The following OXR1 variants were observed in gnomAD, a reference collection of about 807,000 sequenced individuals.
OXR1 encodes oxidation resistance 1.
A neutral mutation model predicts 104.6 loss-of-function variants in OXR1; 41 were observed. That is an observed-to-expected ratio of 0.39 (90% confidence interval 0.31 to 0.51). The LOEUF (loss-of-function observed/expected upper bound fraction) is 0.51, where lower values mean the gene tolerates loss of function less well. Among genes scored for constraint, OXR1 ranks in the 20% least tolerant of loss-of-function variants. The pLI is 0.77. For synonymous variants in OXR1, 348 were observed against 348.4 expected, an observed-to-expected ratio of 1.00 and a Z score of 0.01; for missense variants, 955 against 1,031.9, an observed-to-expected ratio of 0.93 and a Z score of 1.02.
chr8:106,583,572 AC>A (rs1278810554), intron 3 of OXR1, among the ~76,000 whole-genome samples: 1 of 152,166 alleles, frequency 6.6e-6, no homozygotes, highest in East Asian at 1.9e-4. Flanking sequence ...TTCTAAGAAG[AC>A]ATATGCCAAA....
chr8:106,730,584 A>G (rs993950117), intron 11 of OXR1, among the ~76,000 whole-genome samples: 3 of 152,160 alleles, frequency 2.0e-5, no homozygotes, highest in African/African-American at 7.2e-5. Flanking sequence ...TTGCTGAATA[A>G]TATTCTATTT....
At chr8:106,439,739 A>G (rs1819711560) in intron 2 of OXR1, among the ~76,000 whole-genome samples, 1 of 152,056 alleles carries the variant, frequency 6.6e-6, no homozygotes, top group African/African-American at 2.4e-5. Context: ...TTGTTTTCTT[A>G]CTACTGAATC....
intron 1 of OXR1, among the ~76,000 whole-genome samples, chr8:106,305,470 C>T (rs1371709961): frequency 2.0e-5 from 3 of 152,094 alleles, no homozygotes; most frequent in African/African-American, 7.2e-5. Flanking sequence ...TTAAATAATT[C>T]TTTTCATGAC....
At chr8:106,700,924 C>T (rs1830531807) in intron 7 of OXR1, among the ~76,000 whole-genome samples, 1 of 151,644 alleles carries the variant, frequency 6.6e-6, no homozygotes, top group Non-Finnish European at 1.5e-5. Context: ...AATAAGTTTA[C>T]AGAAGATGGG....
intron 3 of OXR1, among the ~76,000 whole-genome samples, chr8:106,671,223 C>T (rs1220538087): frequency 2.0e-5 from 3 of 149,976 alleles, no homozygotes; most frequent in Admixed American, 6.6e-5. Context: ...ATTGATTTCT[C>T]AACAGACACA....
chr8:106,474,046 C>T (rs923121002), intron 2 of OXR1, among the ~76,000 whole-genome samples: 9 of 139,734 alleles, frequency 6.4e-5, no homozygotes, highest in Non-Finnish European at 1.1e-4. Flanking sequence ...CACACACACA[C>T]ACACACACAG....
rs372259591 is a variant in OXR1, at chr8:106,473,557, G to T, written c.24-45386G>T. On this transcript the variant is annotated intron_variant, in intron 2 of 16. Transcript: ENST00000517566. ...AATAAACTCCTAAAGTAACCATAAA[G>T]GCTTTATTTTTACACAAAGCGTATG... Among the ~76,000 whole-genome samples, 65 of 151,754 alleles carry T rather than the reference G, an allele frequency of 4.3e-4. No homozygotes were observed. In the South Asian group the frequency reaches 6.3e-3, roughly 15 times the overall value.
At chr8:106,315,515 A>G (rs1408307405) in intron 1 of OXR1, among the ~76,000 whole-genome samples, 1 of 152,216 alleles carries the variant, frequency 6.6e-6, no homozygotes, top group Non-Finnish European at 1.5e-5. Context: ...TGCCTTAAAA[A>G]TCCTTCTTTT....
intron 3 of OXR1, among the ~76,000 whole-genome samples, chr8:106,611,941 C>A (rs76995825): frequency 2.1e-4 from 32 of 150,306 alleles, no homozygotes; most frequent in South Asian, 4.2e-4. Context: ...CACATAAAAA[C>A]AAAAAAAAAA....
intron 7 of OXR1, among the ~76,000 whole-genome samples, chr8:106,696,995 G>A (rs1326142349): frequency 1.3e-5 from 2 of 152,128 alleles, no homozygotes; most frequent in African/African-American, 4.8e-5. Flanking sequence ...CCACAGCTGT[G>A]GGAGAAGCAT....
intron 1 of OXR1, among the ~76,000 whole-genome samples, chr8:106,353,428 T>C (rs1177818705): frequency 2.3e-5 from 3 of 133,112 alleles, no homozygotes; most frequent in Non-Finnish European, 4.7e-5. Context: ...ACAGGAAAAA[T>C]AATATCTTTC....
intron 7 of OXR1, among the ~76,000 whole-genome samples, chr8:106,693,424 C>CTT (rs11384137): frequency 0.017 from 1,634 of 97,392 alleles, 37 homozygotes; most frequent in Non-Finnish European, 0.019. Flanking sequence ...TAGTCAGAAT[C>CTT]TTTTTTTTTT....
At chr8:106,354,771 A>T (rs1479579676) in intron 1 of OXR1, among the ~76,000 whole-genome samples, 1 of 152,294 alleles carries the variant, frequency 6.6e-6, no homozygotes, top group East Asian at 1.9e-4. Context: ...GCATCTAGGT[A>T]TGTATAGAAG....
At chr8:106,460,699 C>T (rs1820859896) in intron 2 of OXR1, among the ~76,000 whole-genome samples, 1 of 152,108 alleles carries the variant, frequency 6.6e-6, no homozygotes, top group Admixed American at 6.6e-5. Context: ...GCATGTTCTC[C>T]TTAACATGTC....
intron 1 of OXR1, among the ~76,000 whole-genome samples, chr8:106,318,544 A>G (rs1203613408): frequency 6.6e-6 from 1 of 152,140 alleles, no homozygotes; most frequent in Non-Finnish European, 1.5e-5. Context: ...AATGTTATAG[A>G]TTTCAGTCTT....
At chr8:106,534,421 T>C (rs1814327242) in intron 3 of OXR1, among the ~76,000 whole-genome samples, 1 of 152,286 alleles carries the variant, frequency 6.6e-6, no homozygotes, top group Non-Finnish European at 1.5e-5. Flanking sequence ...AAAAAGAATA[T>C]GGATATTATT....
chr8:106,454,591 A>G (rs915564989), intron 2 of OXR1, among the ~76,000 whole-genome samples: 1 of 152,164 alleles, frequency 6.6e-6, no homozygotes, highest in African/African-American at 2.4e-5. Flanking sequence ...CAAAACTGCT[A>G]CCAACCCAAC....
At chr8:106,421,185 C>T (rs1266502735) in intron 2 of OXR1, among the ~76,000 whole-genome samples, 1 of 151,808 alleles carries the variant, frequency 6.6e-6, no homozygotes, top group Non-Finnish European at 1.5e-5. Flanking sequence ...GATTTGTGTC[C>T]CCCGGCCCCT....
At chr8:106,675,906 A>G (rs776919714) in intron 3 of OXR1, among the ~76,000 whole-genome samples, 2 of 152,092 alleles carry the variant, frequency 1.3e-5, no homozygotes, top group Non-Finnish European at 2.9e-5. Context: ...TCTGAGTATT[A>G]TCGTTTGGGA....
Sources: allele counts gnomAD v4.1 joint callset (sites outside exome capture counted in the v4.1 genomes callset), GRCh38; gene constraint gnomAD v4.1.1; transcripts MANE v1.5; gene names NCBI Gene and HGNC (gene_info 2026-07-23, HGNC 2026-07-21).